The following AGBL3 variants were observed in gnomAD, a reference collection of about 807,000 sequenced individuals.
The protein encoded by AGBL3 is AGBL carboxypeptidase 3.
AGBL3 carries 68 observed loss-of-function variants against 94.5 expected under a neutral mutation model. That is an observed-to-expected ratio of 0.72 (90% CI 0.59 to 0.88). The LOEUF is 0.88. Among genes scored for constraint, AGBL3 ranks in the 40% least tolerant of loss-of-function variants. The pLI is 0.00. For missense variants in AGBL3, 934 were observed against 1,103.8 expected (o/e 0.85, Z 2.18); for synonymous variants, 354 against 370.7 (o/e 0.95, Z 0.52).
intron 11 of AGBL3, among the ~76,000 whole-genome samples, chr7:135,054,382 G>GA (rs1252004606): frequency 6.6e-6 from 1 of 152,160 alleles, no homozygotes; most frequent in Non-Finnish European, 1.5e-5. Flanking sequence ...AGCTGCTGCT[G>GA]AAAAAGGAAG....
At chr7:135,101,333 T>C in intron 15 of AGBL3, 1 of 446,820 alleles carries the variant, frequency 2.2e-6, no homozygotes, top group East Asian at 7.0e-5. Flanking sequence ...TGGTTTTCAC[T>C]ATATCATCAT....
At chr7:135,127,360 T>G (rs764158108) in intron 16 of AGBL3, among the ~76,000 whole-genome samples, 3 of 151,942 alleles carry the variant, frequency 2.0e-5, no homozygotes, top group Non-Finnish European at 4.4e-5. Context: ...ATCGAGACCA[T>G]CCTGGCCAAC....
At position 135,037,540 on chromosome 7, in the gene AGBL3, G is replaced by A. The variant is rs746965087; in HGVS notation, c.1460G>A (p.Arg487Gln). The change falls in exon 8 of 17, where the codon CGA (arginine) becomes CAA (glutamine). Residue 487 changes from arginine (R) to glutamine (Q), a missense_variant. Arg to Gln is a conservative substitution (Grantham distance 43). Around this residue, in one of 3 missense-constraint regions of AGBL3, gnomAD observed 441 missense variants for 518.2 expected, o/e 0.85. Coordinates refer to ENST00000436302, the MANE Select transcript of AGBL3 (RefSeq NM_178563.4). ...DRSKTLYLQQ[R>Q]IFPLMLSKNC... Reference sequence around the variant, plus strand: ...TCTAAGACATTATACTTACAGCAACGAATCTTCCCACTTATGCTAAGCAAA... The same window carrying A: ...TCTAAGACATTATACTTACAGCAACAAATCTTCCCACTTATGCTAAGCAAA... 35 of 1,543,952 alleles carry A rather than the reference G, an allele frequency of 2.3e-5. No homozygotes were observed. Among genetic ancestry groups the A allele is most frequent in the Admixed American group, 2.0e-5 (1 of 49,910 alleles).
rs1188409924 is a variant in AGBL3 at position 135,045,853 on chromosome 7, A to G, written c.1783A>G (p.Lys595Glu). Residue 595 changes from lysine to glutamate, a missense_variant, in exon 11 of 17, where the codon AAA becomes GAA. Physicochemically the swap from Lys to Glu is moderately conservative, Grantham distance 56. Transcript: ENST00000436302. ...EEMERHITLE[K>E]VFEDSDTPVI... ...AATGGAAAGACATATAACCCTGGAAAAAGTCTTTGAGGATTCAGACACACC... is the reference window on the plus strand; with the variant it reads ...AATGGAAAGACATATAACCCTGGAAGAAGTCTTTGAGGATTCAGACACACC... 1 of 1,550,944 alleles carries G rather than the reference A, an allele frequency of 6.4e-7. No homozygotes were observed. Among genetic ancestry groups the G allele is most frequent in the African/African-American group, 1.4e-5 (1 of 73,122 alleles).
At chr7:135,070,670 C>G (rs965629554) in intron 12 of AGBL3, among the ~76,000 whole-genome samples, 1 of 152,008 alleles carries the variant, frequency 6.6e-6, no homozygotes, top group Non-Finnish European at 1.5e-5. Flanking sequence ...TGACAAAATT[C>G]GACAATGCTT....
At position 135,021,166 on chromosome 7, in the gene AGBL3, T is replaced by C. The variant is rs185183951; in HGVS notation, c.418+4007T>C. Among the ~76,000 whole-genome samples, 643 of 152,302 alleles carry C rather than the reference T, an allele frequency of 4.2e-3. 5 individuals carry two copies. Among genetic ancestry groups the C allele is most frequent in the Middle Eastern group, 0.017 (5 of 294 alleles). On this transcript the variant is annotated intron_variant, in intron 5 of 16. Coordinates refer to ENST00000436302, the MANE Select transcript of AGBL3 (RefSeq NM_178563.4). ...TTTCTAGACACTTCATTCTGTTCCATTGATGTATTGATAGTTATGCCAGTA... is the reference window on the plus strand; with the variant it reads ...TTTCTAGACACTTCATTCTGTTCCACTGATGTATTGATAGTTATGCCAGTA...
At chr7:135,103,571 T>C (rs1180896480) in intron 15 of AGBL3, among the ~76,000 whole-genome samples, 1 of 152,212 alleles carries the variant, frequency 6.6e-6, no homozygotes, top group Non-Finnish European at 1.5e-5. Context: ...CCTTCAAGTT[T>C]CTGACATATG....
At chr7:135,101,942 G>C (rs1823898804) in intron 15 of AGBL3, among the ~76,000 whole-genome samples, 1 of 152,112 alleles carries the variant, frequency 6.6e-6, no homozygotes, top group Non-Finnish European at 1.5e-5. Context: ...GAGATCCGTT[G>C]GTTTTATAAG....
chr7:135,134,113 A>G (rs1005592607), intron 16 of AGBL3, among the ~76,000 whole-genome samples: 3 of 152,150 alleles, frequency 2.0e-5, no homozygotes, highest in African/African-American at 7.2e-5. Context: ...CAAGAGGGCA[A>G]CATGGGGGCA....
At chr7:134,991,210 G>C (rs369368042) in intron 3 of AGBL3, among the ~76,000 whole-genome samples, 2 of 92,898 alleles carry the variant, frequency 2.2e-5, no homozygotes, top group East Asian at 4.4e-4. Context: ...GTGGGGGGGG[G>C]GTTGGTTAAA....
At chr7:135,096,584 CATAGATAGATAGATAG>C (rs71172496) in intron 15 of AGBL3, among the ~76,000 whole-genome samples, 1 of 88,816 alleles carries the variant, frequency 1.1e-5, no homozygotes, top group Non-Finnish European at 2.4e-5. Context: ...TAGATAGATA[CATAGATAGATAGATAG>C]ATAGATAGAT....
chr7:135,063,273 AT>A (rs1818996341), intron 12 of AGBL3, among the ~76,000 whole-genome samples: 2 of 151,308 alleles, frequency 1.3e-5, no homozygotes, highest in Non-Finnish European at 3.0e-5. Flanking sequence ...AGATTTGTCC[AT>A]TTTGTTTCTT....
intron 13 of AGBL3, 127 bp from the exon 14 acceptor site, chr7:135,080,076 C>A: frequency 1.3e-6 from 1 of 754,304 alleles, no homozygotes; most frequent in Non-Finnish European, 2.1e-6. Context: ...TTTGGTCATT[C>A]TAAACCTGTA....
At chr7:135,098,447 C>T (rs1483695678) in intron 15 of AGBL3, among the ~76,000 whole-genome samples, 1 of 152,152 alleles carries the variant, frequency 6.6e-6, no homozygotes, top group Non-Finnish European at 1.5e-5. Flanking sequence ...AAAGTCTGCA[C>T]GTGTTTGGTA....
intron 15 of AGBL3, chr7:135,101,099 A>C: frequency 2.2e-6 from 1 of 446,362 alleles, no homozygotes; most frequent in Non-Finnish European, 4.5e-6. Context: ...TATGACTCAG[A>C]GTCATAGCAA....
At chr7:135,015,087 G>A (rs963136769) in intron 4 of AGBL3, among the ~76,000 whole-genome samples, 1 of 152,114 alleles carries the variant, frequency 6.6e-6, no homozygotes, top group African/African-American at 2.4e-5. Context: ...AAAGATAGCT[G>A]CAAAATCTAT....
At chr7:135,009,243 G>T (rs1341957691) in intron 4 of AGBL3, among the ~76,000 whole-genome samples, 1 of 152,150 alleles carries the variant, frequency 6.6e-6, no homozygotes, top group East Asian at 1.9e-4. Flanking sequence ...ATCAATGGAT[G>T]AATGGAAAAA....
At chr7:135,032,588 G>C (rs888468411) in intron 5 of AGBL3, among the ~76,000 whole-genome samples, 2 of 151,780 alleles carry the variant, frequency 1.3e-5, no homozygotes, top group African/African-American at 2.4e-5. Context: ...AAAGTGTTAG[G>C]ATTACAGACA....
rs79221820 is a variant in AGBL3, at chr7:135,000,018, G to C, written c.310+6340G>C. 4.8e-3 allele frequency among the ~76,000 whole-genome samples: 736 copies of C among 152,306 alleles called. 2 individuals carry two copies. The highest frequency in any genetic ancestry group is 8.1e-3 in the Non-Finnish European group (552 of 68,020). On this transcript the variant is annotated intron_variant, in intron 4 of 16. Coordinates refer to ENST00000436302, the MANE Select transcript of AGBL3 (RefSeq NM_178563.4). ...GGCTCCTCAGCTGATTTCAAAGTAG[G>C]CTCCAGTGGAAAAGAGACCTCCTGC...
Sources: gnomAD v4.1 joint callset for allele counts (sites outside exome capture counted in the v4.1 genomes callset) on GRCh38, gnomAD v4.1.1 for gene constraint, gnomAD v4.1.1 regional missense constraint, MANE v1.5 for transcripts, NCBI Gene and HGNC (gene_info 2026-07-23, HGNC 2026-07-21) for gene names.